GPC5: variants seen among roughly 807,000 people sequenced by gnomAD.
GPC5 encodes glypican-5.
A neutral mutation model predicts 53.9 loss-of-function variants in GPC5; 47 were observed. The observed-to-expected ratio is 0.87, with a 90% CI of 0.69 to 1.11. The LOEUF (loss-of-function observed/expected upper bound fraction) is 1.11. Ranked by LOEUF, GPC5 falls within the 50% of genes most tolerant of loss-of-function variation. The pLI, the probability that GPC5 is intolerant of heterozygous loss-of-function variation, is 0.00. For missense variants in GPC5, 748 were observed against 713.1 expected (o/e 1.05, Z -0.56); for synonymous variants, 286 against 263.3 (o/e 1.09, Z -0.84).
At chr13:92,803,880 A>C (rs573149042) in intron 7 of GPC5, among the ~76,000 whole-genome samples, 1 of 152,078 alleles carries the variant, frequency 6.6e-6, no homozygotes, top group Non-Finnish European at 1.5e-5. Flanking sequence ...CTTCTCCCCC[A>C]GAAAGTAACC....
chr13:91,615,684 A>AT lies in GPC5; in HGVS notation c.326-77501dup, dbSNP rs573803398. Among the ~76,000 whole-genome samples the AT allele has an allele frequency of 1.9e-3, 293 of 152,284 alleles. 3 individuals carry two copies. Among genetic ancestry groups the AT allele is most frequent in the African/African-American group, 6.7e-3 (279 of 41,568 alleles). ...TCTCCAAGAATTCTACTGCACAGTG[A>AT]TTCCTGAAGACCTCTGTCTCCAAAA... On this transcript the variant is annotated intron_variant, in intron 2 of 7. Transcript: ENST00000377067.
intron 7 of GPC5, among the ~76,000 whole-genome samples, chr13:92,731,229 G>T (rs924856893): frequency 6.6e-6 from 1 of 151,266 alleles, no homozygotes; most frequent in Non-Finnish European, 1.5e-5. Flanking sequence ...GTAAGAAGAA[G>T]AAAACATTAA....
intron 6 of GPC5, among the ~76,000 whole-genome samples, chr13:92,140,169 A>G (rs1039920053): frequency 2.0e-5 from 3 of 152,222 alleles, no homozygotes; most frequent in Non-Finnish European, 4.4e-5. Context: ...TGAAGGAAAA[A>G]CAGCAGTTGG....
At chr13:92,236,242 A>C (rs1173775780) in intron 7 of GPC5, among the ~76,000 whole-genome samples, 1 of 152,038 alleles carries the variant, frequency 6.6e-6, no homozygotes, top group Non-Finnish European at 1.5e-5. Flanking sequence ...AATATTACTT[A>C]GTTTGTTATT....
intron 7 of GPC5, among the ~76,000 whole-genome samples, chr13:92,312,216 C>T (rs745495173): frequency 9.9e-5 from 15 of 152,144 alleles, no homozygotes; most frequent in Non-Finnish European, 2.1e-4. Flanking sequence ...AGCCTTTCTT[C>T]AACTCCTCTT....
At chr13:92,461,912 T>C (rs766396649) in intron 7 of GPC5, among the ~76,000 whole-genome samples, 3 of 152,168 alleles carry the variant, frequency 2.0e-5, no homozygotes, top group Non-Finnish European at 4.4e-5. Context: ...TGAAAAGTCA[T>C]ATTTGGGCAA....
At chr13:91,969,940 C>T (rs759247871) in intron 6 of GPC5, among the ~76,000 whole-genome samples, 53 of 152,050 alleles carry the variant, frequency 3.5e-4, no homozygotes, top group Admixed American at 1.4e-3. Flanking sequence ...TTTGGTACAA[C>T]GAGTATGGAA....
chr13:92,818,809 T>C (rs901896394), intron 7 of GPC5, among the ~76,000 whole-genome samples: 11 of 151,930 alleles, frequency 7.2e-5, no homozygotes, highest in African/African-American at 1.5e-4. Context: ...TGAGAAGTAT[T>C]AGGAACTTGG....
At chr13:91,539,356 C>G (rs939630896) in intron 2 of GPC5, among the ~76,000 whole-genome samples, 7 of 152,192 alleles carry the variant, frequency 4.6e-5, no homozygotes, top group African/African-American at 1.7e-4. Context: ...GAAGGTCTGA[C>G]TTGATCTAGT....
At chr13:92,042,003 A>G (rs2040945381) in intron 6 of GPC5, among the ~76,000 whole-genome samples, 1 of 152,184 alleles carries the variant, frequency 6.6e-6, no homozygotes, top group Admixed American at 6.5e-5. Flanking sequence ...AGGCACCTGG[A>G]GATGGGCACC....
intron 7 of GPC5, among the ~76,000 whole-genome samples, chr13:92,519,942 G>A (rs996673698): frequency 2.1e-4 from 32 of 151,962 alleles, no homozygotes; most frequent in East Asian, 1.7e-3. Flanking sequence ...AATGATAAAG[G>A]GGATATCACC....
chr13:92,275,103 C>A (rs1406680624), intron 7 of GPC5, among the ~76,000 whole-genome samples: 2 of 151,992 alleles, frequency 1.3e-5, no homozygotes, highest in East Asian at 1.9e-4. Flanking sequence ...TGAATAGATT[C>A]TCTTACTTTC....
At chr13:91,828,582 A>T (rs995864445) in intron 5 of GPC5, among the ~76,000 whole-genome samples, 2 of 152,098 alleles carry the variant, frequency 1.3e-5, no homozygotes, top group African/African-American at 4.8e-5. Context: ...GGGCCTGGGT[A>T]GGGAAACTAC....
chr13:91,822,547 G>A (rs1396136682), intron 5 of GPC5, among the ~76,000 whole-genome samples: 1 of 152,122 alleles, frequency 6.6e-6, no homozygotes, highest in Non-Finnish European at 1.5e-5. Context: ...CTAGGCAAGA[G>A]AACTTGTGCA....
chr13:92,453,652 A>C (rs1878153400), intron 7 of GPC5, among the ~76,000 whole-genome samples: 1 of 152,234 alleles, frequency 6.6e-6, no homozygotes, highest in East Asian at 1.9e-4. Context: ...AGCGCTAATG[A>C]AATCAGACTG....
At chr13:91,928,286 A>G (rs560191434) in intron 6 of GPC5, among the ~76,000 whole-genome samples, 1 of 152,344 alleles carries the variant, frequency 6.6e-6, no homozygotes, top group East Asian at 1.9e-4. Flanking sequence ...AATGACATTA[A>G]TGAGTATTCT....
At chr13:92,554,471 TATAG>T (rs1197215341) in intron 7 of GPC5, among the ~76,000 whole-genome samples, 3 of 151,598 alleles carry the variant, frequency 2.0e-5, no homozygotes, top group African/African-American at 7.3e-5. Flanking sequence ...TTCCTACCTG[TATAG>T]ATTTAACCCA....
At chr13:92,152,545 G>A (rs1004429047) in intron 7 of GPC5, among the ~76,000 whole-genome samples, 13 of 151,888 alleles carry the variant, frequency 8.6e-5, no homozygotes, top group Admixed American at 3.9e-4. Flanking sequence ...GATAAAATTG[G>A]GCTAACATGG....
intron 7 of GPC5, among the ~76,000 whole-genome samples, chr13:92,216,913 A>G (rs1175971449): frequency 6.9e-6 from 1 of 145,646 alleles, no homozygotes; most frequent in Non-Finnish European, 1.5e-5. Context: ...CAGGAGGTGG[A>G]GGTTCCAGTG....
Sources: allele counts gnomAD v4.1 joint callset (sites outside exome capture counted in the v4.1 genomes callset), GRCh38; gene constraint gnomAD v4.1.1; transcripts MANE v1.5; gene names NCBI Gene and HGNC (gene_info 2026-07-23, HGNC 2026-07-21).